The following PRKCH variants were observed in gnomAD, a reference collection of about 807,000 sequenced individuals.
PRKCH encodes the protein protein kinase C eta type.
PRKCH carries 28 observed loss-of-function variants against 82.5 expected under a neutral mutation model. The ratio of observed to expected loss-of-function variants is 0.34; its 90% CI spans 0.25 to 0.47. The LOEUF (loss-of-function observed/expected upper bound fraction) is 0.47. PRKCH is among the 20% of genes least tolerant of loss of function. The probability of loss-of-function intolerance (pLI) is 1.00; values close to 1 mark genes in which losing one functional copy is unlikely to be tolerated. For synonymous variants in PRKCH, 322 were observed against 327.4 expected (o/e 0.98, Z 0.18); for missense variants, 705 against 881.8 (o/e 0.80, Z 2.54).
At chr14:61,412,147 C>T (rs1882299503) in intron 2 of PRKCH, among the ~76,000 whole-genome samples, 1 of 152,152 alleles carries the variant, frequency 6.6e-6, no homozygotes, top group Non-Finnish European at 1.5e-5. Flanking sequence ...TGGCATCCAA[C>T]CAAAAATTAC....
At chr14:61,269,134 T>G (rs2045129262) in intron 1 of PRKCH, among the ~76,000 whole-genome samples, 1 of 152,252 alleles carries the variant, frequency 6.6e-6, no homozygotes, top group African/African-American at 2.4e-5. Context: ...CAAAAATTTT[T>G]TCTTTATGAC....
intron 1 of PRKCH, among the ~76,000 whole-genome samples, chr14:61,232,973 T>C (rs1426590449): frequency 6.6e-6 from 1 of 152,168 alleles, no homozygotes; most frequent in Non-Finnish European, 1.5e-5. Context: ...AGACCAAATA[T>C]ATATTTCATA....
chr14:61,512,395 C>T (rs1053716384), intron 10 of PRKCH, among the ~76,000 whole-genome samples: 1 of 151,864 alleles, frequency 6.6e-6, no homozygotes, highest in African/African-American at 2.4e-5. Context: ...CCCAAACTGC[C>T]TTCTCTGGAA....
intron 1 of PRKCH, among the ~76,000 whole-genome samples, chr14:61,348,382 T>C (rs1328361264): frequency 6.6e-6 from 1 of 152,180 alleles, no homozygotes; most frequent in Non-Finnish European, 1.5e-5. Flanking sequence ...GAACCGTGTG[T>C]GGTGTCTGGA....
intron 1 of PRKCH, among the ~76,000 whole-genome samples, chr14:61,289,261 G>C (rs1385878391): frequency 6.6e-6 from 1 of 152,180 alleles, no homozygotes; most frequent in East Asian, 1.9e-4. Context: ...ATCCAAAGAG[G>C]ACCAGTTCAG....
At chr14:61,284,161 G>A (rs2045295039) in intron 1 of PRKCH, among the ~76,000 whole-genome samples, 1 of 152,238 alleles carries the variant, frequency 6.6e-6, no homozygotes, top group Admixed American at 6.5e-5. Flanking sequence ...AGAGGGCAGG[G>A]TGATAAAAAT....
intron 1 of PRKCH, among the ~76,000 whole-genome samples, chr14:61,246,958 G>T (rs1174161402): frequency 2.0e-5 from 3 of 152,040 alleles, no homozygotes; most frequent in African/African-American, 4.8e-5. Flanking sequence ...TGGCCTGCCT[G>T]TCTCCCAATG....
intron 1 of PRKCH, among the ~76,000 whole-genome samples, chr14:61,367,387 A>G (rs2046310609): frequency 7.3e-6 from 1 of 136,842 alleles, no homozygotes; most frequent in Non-Finnish European, 1.6e-5. Context: ...TGTGTGTGTC[A>G]GAGGTCAGCC....
intron 1 of PRKCH, among the ~76,000 whole-genome samples, chr14:61,202,736 T>G (rs990649319): frequency 1.3e-5 from 2 of 152,158 alleles, no homozygotes; most frequent in African/African-American, 4.8e-5. Flanking sequence ...AGTTTTAGGT[T>G]TACAGAAAAA....
chr14:61,278,547 T>A (rs2045224629), intron 1 of PRKCH: 1 of 152,230 alleles, frequency 6.6e-6, no homozygotes, highest in African/African-American at 2.4e-5. Flanking sequence ...TTCAAGATCT[T>A]GCACTGCCTT....
intron 1 of PRKCH, among the ~76,000 whole-genome samples, chr14:61,356,019 G>A (rs1047294420): frequency 2.0e-5 from 3 of 152,156 alleles, no homozygotes; most frequent in African/African-American, 7.2e-5. Flanking sequence ...AGTCTTTCTG[G>A]TAACACATCG....
Position 61,322,174 on chromosome 14 carries a change from AC to A in PRKCH, c.76del (p.Arg26AlafsTer20). The A allele has an allele frequency of 6.2e-7, 1 of 1,610,258 alleles. No homozygotes were observed. The highest frequency in any genetic ancestry group is 8.5e-7 in the Non-Finnish European group (1 of 1,178,594). On this transcript the variant is annotated frameshift_variant, in exon 1 of 14. Transcript: ENST00000332981. LOFTEE classifies it high-confidence loss of function. ...CGGTGAGGCAGTGGGGCTGCAGCCC[AC>A]CCGCTGGTCCCTGCGCCACTCGCTC... ...RIGEAVGLQP[T>X]RWSLRHSLFK...
At chr14:61,432,130 A>G (rs914119294) in intron 2 of PRKCH, among the ~76,000 whole-genome samples, 3 of 151,500 alleles carry the variant, frequency 2.0e-5, no homozygotes, top group African/African-American at 7.3e-5. Flanking sequence ...CTAAGTCTAA[A>G]GTTAGCTACC....
chr14:61,532,858 C>T (rs1189634278), intron 12 of PRKCH, among the ~76,000 whole-genome samples: 1 of 152,244 alleles, frequency 6.6e-6, no homozygotes, highest in African/African-American at 2.4e-5. Context: ...TGGGAAGCTA[C>T]AAGTCCCTTC....
chr14:61,510,679 C>A (rs1431004973), intron 10 of PRKCH, among the ~76,000 whole-genome samples: 1 of 151,954 alleles, frequency 6.6e-6, no homozygotes, highest in Non-Finnish European at 1.5e-5. Flanking sequence ...GACTGGGGAG[C>A]CATCTGTCTA....
At chr14:61,285,660 A>G (rs2045308633) in intron 1 of PRKCH, among the ~76,000 whole-genome samples, 1 of 152,214 alleles carries the variant, frequency 6.6e-6, no homozygotes, top group Admixed American at 6.5e-5. Flanking sequence ...TTGTACACAA[A>G]TGGGGGGCAT....
intron 1 of PRKCH, among the ~76,000 whole-genome samples, chr14:61,238,834 G>T (rs1278594741): frequency 6.6e-6 from 1 of 152,098 alleles, no homozygotes; most frequent in Non-Finnish European, 1.5e-5. Flanking sequence ...CAACAAACTG[G>T]GTAAAGCTTC....
At chr14:61,506,287 C>A (rs886556094) in intron 10 of PRKCH, among the ~76,000 whole-genome samples, 1 of 152,144 alleles carries the variant, frequency 6.6e-6, no homozygotes, top group Admixed American at 6.5e-5. Flanking sequence ...TCTCTTTTGT[C>A]ATGGAATTTC....
chr14:61,241,332 G>A (rs1338079832), intron 1 of PRKCH, among the ~76,000 whole-genome samples: 1 of 152,144 alleles, frequency 6.6e-6, no homozygotes, highest in Non-Finnish European at 1.5e-5. Flanking sequence ...TTTTGGCAGG[G>A]TTTTATGGAA....
Sources: allele counts gnomAD v4.1 joint callset (sites outside exome capture counted in the v4.1 genomes callset), GRCh38; gene constraint gnomAD v4.1.1; transcripts MANE v1.5; gene names NCBI Gene and HGNC (gene_info 2026-07-23, HGNC 2026-07-21).